Variants in ABR observed in about 807,000 individuals in gnomAD.
The protein encoded by ABR is active breakpoint cluster region-related protein.
ABR carries 35 observed loss-of-function variants against 107.2 expected under a neutral mutation model. That is an observed-to-expected ratio of 0.33 (90% CI 0.25 to 0.43). The LOEUF is 0.43. Among genes scored for constraint, ABR ranks in the 20% least tolerant of loss-of-function variants. ABR has a pLI of 1.00. For missense variants in ABR, 815 were observed against 1,115.2 expected, an observed-to-expected ratio of 0.73 and a Z score of 3.83; for synonymous variants, 498 against 462.0, an observed-to-expected ratio of 1.08 and a Z score of -1.00.
At position 1,109,077 on chromosome 17, in the gene ABR, G is replaced by C. The variant is rs200904448; in HGVS notation, c.247-8342C>G. The C allele has an allele frequency of 1.1e-5, 18 of 1,591,192 alleles. No homozygotes were observed. In the African/African-American group the frequency reaches 2.3e-4, roughly 21 times the overall value. ...TCCTCTTCCTCCTCCATGGCAGCCG[G>C]AGCCCGCGGAGGGCAGACAGGAAGC... On this transcript the variant is annotated intron_variant, in intron 2 of 22. Coordinates refer to ENST00000302538, the MANE Select transcript of ABR (RefSeq NM_021962.5).
intron 1 of ABR, among the ~76,000 whole-genome samples, chr17:1,171,523 C>T (rs1038685314): frequency 6.6e-6 from 1 of 152,182 alleles, no homozygotes; most frequent in African/African-American, 2.4e-5. Flanking sequence ...TCCCAGCCAC[C>T]CAAGACTTCC....
intron 1 of ABR, among the ~76,000 whole-genome samples, chr17:1,134,579 A>G (rs780906055): frequency 1.1e-4 from 16 of 152,146 alleles, no homozygotes; most frequent in Non-Finnish European, 2.4e-4. Context: ...CAATGAACAC[A>G]TTTCCAAATG....
At chr17:1,145,808 G>C in intron 1 of ABR, among the ~76,000 whole-genome samples, 1 of 152,234 alleles carries the variant, frequency 6.6e-6, no homozygotes, top group Middle Eastern at 3.4e-3. Flanking sequence ...ACGCAGCTCC[G>C]GGCTCCTGCC....
intron 1 of ABR, among the ~76,000 whole-genome samples, chr17:1,139,553 G>GT (rs142898332): frequency 0.35 from 51,889 of 149,858 alleles, 10,181 homozygotes; most frequent in East Asian, 0.5. Context: ...TGCCCGGCCT[G>GT]TTTTTTTTTT....
intron 3 of ABR, among the ~76,000 whole-genome samples, chr17:1,098,895 C>A (rs1415530350): frequency 6.6e-6 from 1 of 152,244 alleles, no homozygotes; most frequent in Non-Finnish European, 1.5e-5. Context: ...AAGCGATTCT[C>A]CTGCCTCAGC....
intron 12 of ABR, among the ~76,000 whole-genome samples, chr17:1,057,631 C>T (rs1427560363): frequency 7.1e-6 from 1 of 141,298 alleles, no homozygotes; most frequent in Non-Finnish European, 1.5e-5. Flanking sequence ...CGTAAGCCAC[C>T]GTACCCAGCC....
Position 1,031,668 on chromosome 17 carries a change from C to T in ABR, c.1791+18382G>A, listed in dbSNP as rs2072779432. 6.4e-6 allele frequency: 8 copies of T among 1,257,352 alleles called. No homozygotes were observed. In the South Asian group the frequency reaches 2.3e-4, roughly 36 times the overall value. The allele number at this position is 1,257,352 out of a possible 1,614,324, so 77.9% of individuals were successfully genotyped here. ...GCCGGTGTTGGGGGGGCGCTTGCTCCCCGACTCCTCCAGCGCCAGGGGTTC... is the reference window on the plus strand; with the variant it reads ...GCCGGTGTTGGGGGGGCGCTTGCTCTCCGACTCCTCCAGCGCCAGGGGTTC... On this transcript the variant is annotated intron_variant, in intron 16 of 22. Transcript: ENST00000302538.
chr17:1,050,175 C>G lies in ABR; in HGVS notation c.1666G>C (p.Glu556Gln), dbSNP rs760013191. 5 of 1,612,362 alleles carry G rather than the reference C, an allele frequency of 3.1e-6. No individual in the cohort carries two copies. Among genetic ancestry groups the G allele is most frequent in the Non-Finnish European group, 4.2e-6 (5 of 1,179,624 alleles). ...GACTGGGAGCCCTCCAGCTCGATCT[C>G]AAACTCCTGGGGAAAGATGGGACAA... ...TAEPKWDEEF[E>Q]IELEGSQSLR... The change falls in exon 16 of 23, where the codon GAG (glutamate) becomes CAG (glutamine). Residue 556 changes from glutamate to glutamine, a missense_variant. Glu to Gln is a conservative substitution (Grantham distance 29, BLOSUM62 2). This residue lies in a region of ABR where 385 missense variants were observed against 596.9 expected (regional missense o/e 0.64). Transcript: ENST00000302538. The surrounding 1 kb of genome is among the most constrained non-coding windows in gnomAD (Gnocchi z 4.6).
At chr17:1,079,049 G>C in intron 6 of ABR, 1 of 1,429,680 alleles carries the variant, frequency 7.0e-7, no homozygotes, top group Non-Finnish European at 9.2e-7. Flanking sequence ...GGAGGGAAGG[G>C]GAAGGGGAGG....
intron 13 of ABR, 52 bp downstream of exon 13, chr17:1,056,946 G>A (rs149400690): frequency 5.9e-5 from 78 of 1,322,214 alleles, no homozygotes; most frequent in Admixed American, 3.3e-4. Flanking sequence ...AGCCGGCCAC[G>A]CTCTGAGGGC....
At chr17:1,126,966 T>C (rs1373933784) in intron 1 of ABR, among the ~76,000 whole-genome samples, 1 of 152,164 alleles carries the variant, frequency 6.6e-6, no homozygotes, top group East Asian at 1.9e-4. Flanking sequence ...GGGCCCCAGC[T>C]CTTCCCTCCT....
chr17:1,153,383 G>GGGAGTCCAGGCACACCTAC (rs2040881216), intron 1 of ABR, among the ~76,000 whole-genome samples: 1 of 130,080 alleles, frequency 7.7e-6, no homozygotes, highest in African/African-American at 2.6e-5. Flanking sequence ...CGGGAGGGCT[G>GGGAGTCCAGGCACACCTAC]GGGATCCAGG....
chr17:1,039,115 G>A (rs1228024989), intron 16 of ABR, among the ~76,000 whole-genome samples: 1 of 152,130 alleles, frequency 6.6e-6, no homozygotes, highest in Non-Finnish European at 1.5e-5. Context: ...TTTTTGGTCT[G>A]TCGGGAGGCT....
In ABR at chr17:1,194,865, C is replaced by A. The variant is rs1347248260; in HGVS notation, c.838+33928G>T. 3.0e-4 allele frequency among the ~76,000 whole-genome samples: 38 copies of A among 125,876 alleles called. 5 individuals carry two copies. The highest frequency in any genetic ancestry group is 5.6e-4 in the Non-Finnish European group (33 of 58,500). The allele number at this position is 125,876 out of a possible 152,430, so 82.6% of individuals were successfully genotyped here. ...ACAGGGTTTCGCCATGTTGGCCAGACTGGTCTCGAACTCCTGACTCAGGTG... is the reference window on the plus strand; with the variant it reads ...ACAGGGTTTCGCCATGTTGGCCAGAATGGTCTCGAACTCCTGACTCAGGTG... On this transcript the variant is annotated intron_variant, in intron 1 of 22. Transcript: ENST00000574139.
chr17:1,073,267 C>T (rs948998631), intron 7 of ABR, among the ~76,000 whole-genome samples: 2 of 151,380 alleles, frequency 1.3e-5, no homozygotes, highest in African/African-American at 4.8e-5. Flanking sequence ...CACAGTCATA[C>T]TCTCTCCCCA....
intron 1 of ABR, among the ~76,000 whole-genome samples, chr17:1,168,293 T>A (rs1194542560): frequency 2.0e-5 from 3 of 151,980 alleles, no homozygotes; most frequent in Non-Finnish European, 4.4e-5. Flanking sequence ...AGAGCGAGAC[T>A]CTGTCTCAAA....
At chr17:1,227,917 G>C (rs1251514230) in intron 1 of ABR, among the ~76,000 whole-genome samples, 1 of 152,306 alleles carries the variant, frequency 6.6e-6, no homozygotes. Flanking sequence ...CTGCTGCAAA[G>C]CACCGTGCAT....
In ABR at chr17:1,125,252, C is replaced by G. The variant is rs141739875; in HGVS notation, c.177G>C (p.Gln59His). ...CCCCGCCCTGGCTGCGGGCGCTGAG[C>G]TGCGGGGACATGGTGGGCGACTCAT... ...YIDESPTMSP[Q>H]LSARSQGGGD... Residue 59 changes from glutamine (Q) to histidine (H), a missense_variant, in exon 2 of 23, where the codon CAG becomes CAC. Around this residue, in one of 5 missense-constraint regions of ABR, gnomAD observed 129 missense variants for 124.8 expected, o/e 1.03. Transcript: ENST00000302538. 1.2e-6 allele frequency: 2 copies of G among 1,613,060 alleles called. No homozygotes were observed. The highest frequency in any genetic ancestry group is 2.2e-5 in the South Asian group (2 of 91,008).
At chr17:1,129,511 G>C (rs917654775) in intron 1 of ABR, among the ~76,000 whole-genome samples, 1 of 152,050 alleles carries the variant, frequency 6.6e-6, no homozygotes, top group Non-Finnish European at 1.5e-5. Flanking sequence ...CAGACTGGGC[G>C]ACAGATCAAG....
Sources: allele counts gnomAD v4.1 joint callset (sites outside exome capture counted in the v4.1 genomes callset), GRCh38; gene constraint gnomAD v4.1.1; regional missense constraint gnomAD v4.1.1; non-coding constraint Gnocchi (gnomAD v3.1); transcripts MANE v1.5; gene names NCBI Gene and HGNC (gene_info 2026-07-23, HGNC 2026-07-21).